CACHD1: variants seen among roughly 807,000 people sequenced by gnomAD.
The protein encoded by CACHD1 is VWFA and cache domain-containing protein 1.
A neutral mutation model predicts 138.7 loss-of-function variants in CACHD1; 71 were observed. That is an observed-to-expected ratio of 0.51 (90% CI 0.42 to 0.62). The LOEUF (loss-of-function observed/expected upper bound fraction) is 0.62, where lower values mean the gene tolerates loss of function less well. CACHD1 is among the 20% of genes least tolerant of loss of function. The pLI, the probability that CACHD1 is intolerant of heterozygous loss-of-function variation, is 0.00. For missense variants in CACHD1, 1,389 were observed against 1,625.3 expected (o/e 0.85, Z 2.50); for synonymous variants, 578 against 591.5 (o/e 0.98, Z 0.33).
chr1:64,661,222 T>G (rs1649430554), intron 13 of CACHD1, among the ~76,000 whole-genome samples: 1 of 152,228 alleles, frequency 6.6e-6, no homozygotes, highest in Non-Finnish European at 1.5e-5. Context: ...CTTAAATATA[T>G]GTCACCTGTG....
At chr1:64,653,522 C>T (rs1315270954) in intron 10 of CACHD1, among the ~76,000 whole-genome samples, 1 of 151,766 alleles carries the variant, frequency 6.6e-6, no homozygotes, top group African/African-American at 2.4e-5. Flanking sequence ...ACAACCAATA[C>T]CTCCAAAATA....
chr1:64,535,606 T>A (rs1238863020), intron 1 of CACHD1, among the ~76,000 whole-genome samples: 2 of 152,216 alleles, frequency 1.3e-5, no homozygotes, highest in Non-Finnish European at 2.9e-5. Context: ...ATTACAGGCA[T>A]GAGCCACCAC....
chr1:64,666,058 TATCTCC>T lies in CACHD1; in HGVS notation c.2281_2286del (p.Leu761_His762del). ...ATGACTTTCTTTGGTCTCCATTAGG[TATCTCC>T]ATGCAGTAGCTAATCCAGGGTTGAT... On this transcript the variant is annotated inframe_deletion and splice_region_variant, in exon 16 of 27. Transcript: ENST00000651257. 1.3e-6 allele frequency: 2 copies of T among 1,552,074 alleles called. No individual in the cohort carries two copies. The highest frequency in any genetic ancestry group is 1.8e-6 in the Non-Finnish European group (2 of 1,130,466).
At chr1:64,546,586 C>T (rs1287593223) in intron 1 of CACHD1, among the ~76,000 whole-genome samples, 1 of 152,140 alleles carries the variant, frequency 6.6e-6, no homozygotes, top group Non-Finnish European at 1.5e-5. Flanking sequence ...CCACCTGCCT[C>T]AGCCCCCCAA....
At chr1:64,544,966 C>T (rs778633471) in intron 1 of CACHD1, among the ~76,000 whole-genome samples, 1 of 152,044 alleles carries the variant, frequency 6.6e-6, no homozygotes, top group Non-Finnish European at 1.5e-5. Flanking sequence ...AATGTAGCCT[C>T]GGGGAAGGCT....
rs1410896942 is a variant in CACHD1 at position 64,683,291 on chromosome 1, C to G, written c.3586+1185C>G. 2.0e-5 allele frequency among the ~76,000 whole-genome samples: 3 copies of G among 152,198 alleles called. No homozygotes were observed. In the South Asian group the frequency reaches 6.2e-4, roughly 31 times the overall value. On this transcript the variant is annotated intron_variant, in intron 26 of 26. Coordinates refer to ENST00000651257, the MANE Select transcript of CACHD1 (RefSeq NM_020925.4). ...CAGCAGAACTTAAATTTCTCAGTTT[C>G]TTTGACTTTTTTGCTTTTTTCTCTA...
chr1:64,624,117 T>C (rs1337105376), intron 4 of CACHD1, among the ~76,000 whole-genome samples: 1 of 152,232 alleles, frequency 6.6e-6, no homozygotes, highest in Admixed American at 6.5e-5. Context: ...AGATTACTTC[T>C]GGGCCCACGG....
chr1:64,562,221 A>C (rs1250650838), intron 2 of CACHD1, among the ~76,000 whole-genome samples: 1 of 151,904 alleles, frequency 6.6e-6, no homozygotes, highest in Non-Finnish European at 1.5e-5. Flanking sequence ...GGACTTTGGG[A>C]CCATGATTTT....
intron 1 of CACHD1, among the ~76,000 whole-genome samples, chr1:64,497,991 G>A (rs1200426732): frequency 6.6e-6 from 1 of 152,200 alleles, no homozygotes; most frequent in South Asian, 2.1e-4. Flanking sequence ...GCTGGGCGTG[G>A]TGGTGCGTGC....
chr1:64,489,772 A>G (rs977522455), intron 1 of CACHD1, among the ~76,000 whole-genome samples: 1 of 151,820 alleles, frequency 6.6e-6, no homozygotes, highest in Non-Finnish European at 1.5e-5. Context: ...TTTATACTCT[A>G]CTCCTCACTT....
chr1:64,661,976 A>G (rs545995100), intron 13 of CACHD1, among the ~76,000 whole-genome samples: 1 of 152,334 alleles, frequency 6.6e-6, no homozygotes, highest in South Asian at 2.1e-4. Context: ...CATGAGAGAG[A>G]GGAATTACTG....
intron 6 of CACHD1, 24 bp downstream of exon 6, chr1:64,632,767 T>C: frequency 6.2e-7 from 1 of 1,613,642 alleles, no homozygotes; most frequent in Non-Finnish European, 8.5e-7. Context: ...TTGTGACCCC[T>C]ATGGCATCAG....
At chr1:64,690,181 A>G (rs990639861) in intron 26 of CACHD1, among the ~76,000 whole-genome samples, 3 of 152,206 alleles carry the variant, frequency 2.0e-5, no homozygotes, top group Admixed American at 2.0e-4. Context: ...CTTGTATATT[A>G]TAGGTACGCA....
intron 4 of CACHD1, among the ~76,000 whole-genome samples, chr1:64,624,527 C>T (rs1648032002): frequency 6.6e-6 from 1 of 152,148 alleles, no homozygotes; most frequent in Admixed American, 6.5e-5. Flanking sequence ...AAGCTTCAGA[C>T]CCCAGGAGAC....
intron 21 of CACHD1, 86 bp downstream of exon 21, chr1:64,676,069 A>G (rs1227435029): frequency 3.6e-6 from 2 of 548,166 alleles, no homozygotes; most frequent in Non-Finnish European, 2.6e-6. Context: ...TCTCTTATAG[A>G]TTTGTTTTGA....
chr1:64,649,084 G>A (rs573263501), intron 9 of CACHD1, among the ~76,000 whole-genome samples: 7 of 152,188 alleles, frequency 4.6e-5, no homozygotes, highest in East Asian at 1.9e-4. Flanking sequence ...TTACAAATAC[G>A]GATTTTTTTT....
chr1:64,620,973 G>A (rs1439222405), intron 4 of CACHD1, among the ~76,000 whole-genome samples: 1 of 152,022 alleles, frequency 6.6e-6, no homozygotes, highest in East Asian at 1.9e-4. Flanking sequence ...GTCTTTAGTG[G>A]GACCAAATTC....
intron 16 of CACHD1, among the ~76,000 whole-genome samples, chr1:64,666,768 CA>C (rs1237658479): frequency 5.5e-5 from 8 of 145,358 alleles, no homozygotes; most frequent in Non-Finnish European, 3.0e-5. Context: ...CCTAGTAACT[CA>C]GGAGGCTGAG....
intron 3 of CACHD1, among the ~76,000 whole-genome samples, chr1:64,594,801 A>G (rs2100562812): frequency 6.6e-6 from 1 of 152,338 alleles, no homozygotes; most frequent in East Asian, 1.9e-4. Flanking sequence ...AAGAAATAGA[A>G]CCTGTCTTAG....
Sources: gnomAD v4.1 joint callset for allele counts (sites outside exome capture counted in the v4.1 genomes callset) on GRCh38, gnomAD v4.1.1 for gene constraint, MANE v1.5 for transcripts, NCBI Gene and HGNC (gene_info 2026-07-23, HGNC 2026-07-21) for gene names.